Variants in SPATS2 observed in about 807,000 individuals in gnomAD.
SPATS2 encodes spermatogenesis-associated serine-rich protein 2.
SPATS2 carries 38 observed loss-of-function variants against 63.7 expected under a neutral mutation model. That is an observed-to-expected ratio of 0.60 (90% CI 0.46 to 0.78). The LOEUF (loss-of-function observed/expected upper bound fraction) is 0.78, where lower values mean the gene tolerates loss of function less well. SPATS2 is among the 30% of genes least tolerant of loss of function. The pLI is 0.00. For synonymous variants in SPATS2, 207 were observed against 232.9 expected, an observed-to-expected ratio of 0.89 and a Z score of 1.01; for missense variants, 588 against 666.2, an observed-to-expected ratio of 0.88 and a Z score of 1.29.
At chr12:49,510,763 A>G (rs1435858005) in intron 9 of SPATS2, among the ~76,000 whole-genome samples, 6 of 152,180 alleles carry the variant, frequency 3.9e-5, no homozygotes, top group African/African-American at 1.4e-4. Flanking sequence ...TTTTGGTACC[A>G]ATGAATTATT....
chr12:49,460,108 C>CA (rs1030480512), intron 2 of SPATS2, among the ~76,000 whole-genome samples: 23 of 150,848 alleles, frequency 1.5e-4, no homozygotes, highest in Non-Finnish European at 2.7e-4. Flanking sequence ...AACTCCGCCT[C>CA]AAAAAAACAA....
chr12:49,425,530 G>C (rs1945059113), intron 2 of SPATS2, among the ~76,000 whole-genome samples: 1 of 151,986 alleles, frequency 6.6e-6, no homozygotes, highest in Non-Finnish European at 1.5e-5. Context: ...ATGTTGCCCA[G>C]GCTCGTCTCG....
chr12:49,471,152 G>T (rs1382197685), intron 3 of SPATS2, among the ~76,000 whole-genome samples: 1 of 152,080 alleles, frequency 6.6e-6, no homozygotes, highest in East Asian at 1.9e-4. Context: ...TGTATGTAGG[G>T]ATATCAAGAG....
At chr12:49,436,970 A>G (rs1196478069) in intron 2 of SPATS2, among the ~76,000 whole-genome samples, 3 of 111,048 alleles carry the variant, frequency 2.7e-5, no homozygotes, top group African/African-American at 1.1e-4. Context: ...TAACCCCCCC[A>G]CCTCCATTCC....
At chr12:49,412,559 A>G (rs1944815572) in intron 2 of SPATS2, among the ~76,000 whole-genome samples, 1 of 151,892 alleles carries the variant, frequency 6.6e-6, no homozygotes, top group South Asian at 2.1e-4. Context: ...GCAGTAAACC[A>G]TTGATTATGT....
At chr12:49,523,511 G>T (rs946575580) in intron 12 of SPATS2, among the ~76,000 whole-genome samples, 8 of 151,828 alleles carry the variant, frequency 5.3e-5, no homozygotes. Context: ...TTAATAAATA[G>T]GAGAAAATAA....
chr12:49,390,230 G>GAA lies in SPATS2; in HGVS notation c.-244+18941_-244+18942dup, dbSNP rs1944396518. 5 of 911,658 alleles carry GAA rather than the reference G, an allele frequency of 5.5e-6. No homozygotes were observed. The Admixed American group carries it at 1.2e-4, about 22-fold the overall frequency. The allele number at this position is 911,658 out of a possible 1,614,324, so 56.5% of individuals were successfully genotyped here. On this transcript the variant is annotated intron_variant, in intron 2 of 13. Transcript: ENST00000552918. ...TGGTCAAATAAGTGAATGAATGAAT[G>GAA]AACAGAAAATTCAATCCATTATTTT...
At chr12:49,447,946 T>G (rs1945545152) in intron 2 of SPATS2, among the ~76,000 whole-genome samples, 1 of 151,842 alleles carries the variant, frequency 6.6e-6, no homozygotes, top group Non-Finnish European at 1.5e-5. Context: ...ACTCTTTGAT[T>G]GATTGTGGTC....
chr12:49,387,010 G>T (rs1944328616), intron 2 of SPATS2: 1 of 152,198 alleles, frequency 6.6e-6, no homozygotes, highest in Non-Finnish European at 1.5e-5. Context: ...TTGGGTAATA[G>T]AATTTTTATA....
chr12:49,385,713 G>T (rs1177715343), intron 2 of SPATS2, among the ~76,000 whole-genome samples: 1 of 152,058 alleles, frequency 6.6e-6, no homozygotes, highest in African/African-American at 2.4e-5. Flanking sequence ...GTGTAAAGAG[G>T]AAAAGGTGTG....
intron 2 of SPATS2, among the ~76,000 whole-genome samples, chr12:49,429,612 T>A (rs968441087): frequency 6.6e-6 from 1 of 151,064 alleles, no homozygotes; most frequent in African/African-American, 2.4e-5. Flanking sequence ...CGTACCCAGC[T>A]AATTTTTGTA....
intron 9 of SPATS2, among the ~76,000 whole-genome samples, chr12:49,504,730 G>A (rs1946625816): frequency 2.3e-5 from 1 of 42,794 alleles, no homozygotes; most frequent in Non-Finnish European, 5.3e-5. Flanking sequence ...CCTTTTATTG[G>A]CGCGTTTTTT....
chr12:49,415,941 G>T (rs955480956), intron 2 of SPATS2, among the ~76,000 whole-genome samples: 2 of 151,466 alleles, frequency 1.3e-5, no homozygotes, highest in Admixed American at 1.3e-4. Context: ...TTTTTCTCAA[G>T]ACCCTGCAGG....
rs532029209 is a variant in SPATS2, at chr12:49,421,938, A to G, written c.-243-38832A>G. On this transcript the variant is annotated intron_variant, in intron 2 of 13. Transcript: ENST00000552918. ...AATAATGATAATTTGAAGGGAGGTAAAACTCTTCTGCCCTATATTAGTCCT... is the reference window on the plus strand; with the variant it reads ...AATAATGATAATTTGAAGGGAGGTAGAACTCTTCTGCCCTATATTAGTCCT... Among the ~76,000 whole-genome samples, 28 of 152,278 alleles carry G rather than the reference A, an allele frequency of 1.8e-4. 1 individual carries two copies. In the South Asian group the frequency reaches 5.8e-3, roughly 32 times the overall value.
chr12:49,523,061 CTG>C (rs1265427395), intron 12 of SPATS2, among the ~76,000 whole-genome samples: 3 of 152,150 alleles, frequency 2.0e-5, no homozygotes, highest in African/African-American at 7.2e-5. Flanking sequence ...ATGTGAAAGA[CTG>C]TTTTTTCATG....
intron 3 of SPATS2, among the ~76,000 whole-genome samples, chr12:49,465,819 G>A (rs186109815): frequency 3.3e-5 from 5 of 151,912 alleles, no homozygotes; most frequent in East Asian, 3.9e-4. Context: ...TGGCGGGTGC[G>A]TGTAATCCCA....
chr12:49,384,873 G>A (rs574598513), intron 2 of SPATS2, among the ~76,000 whole-genome samples: 1 of 151,482 alleles, frequency 6.6e-6, no homozygotes, highest in Non-Finnish European at 1.5e-5. Flanking sequence ...GCAATGGCGC[G>A]ACCTTGGCTC....
chr12:49,408,710 C>G (rs2137342723), intron 2 of SPATS2, among the ~76,000 whole-genome samples: 1 of 151,810 alleles, frequency 6.6e-6, no homozygotes, highest in East Asian at 1.9e-4. Flanking sequence ...CACGCAACAC[C>G]AGGCCCAGCT....
At chr12:49,477,699 A>G (rs1050805832) in intron 3 of SPATS2, among the ~76,000 whole-genome samples, 3 of 152,230 alleles carry the variant, frequency 2.0e-5, no homozygotes, top group African/African-American at 7.2e-5. Context: ...ATAGCACACT[A>G]TAGTAATATT....
Sources: allele counts gnomAD v4.1 joint callset (sites outside exome capture counted in the v4.1 genomes callset), GRCh38; gene constraint gnomAD v4.1.1; transcripts MANE v1.5; gene names NCBI Gene and HGNC (gene_info 2026-07-23, HGNC 2026-07-21).